The following LPA variants were observed in gnomAD, a reference collection of about 807,000 sequenced individuals.
The protein encoded by LPA is apolipoprotein(a).
A neutral mutation model predicts 197.9 loss-of-function variants in LPA; 199 were observed. The observed-to-expected ratio is 1.01, with a 90% CI of 0.90 to 1.13. The LOEUF is 1.13. Among genes scored for constraint, LPA ranks in the 50% most tolerant of loss-of-function variants. The pLI is 0.00. For synonymous variants in LPA, 715 were observed against 639.5 expected (o/e 1.12, Z -1.78); for missense variants, 1,853 against 1,785.8 (o/e 1.04, Z -0.68).
intron 8 of LPA, among the ~76,000 whole-genome samples, chr6:160,631,726 A>T (rs1779687764): frequency 6.7e-6 from 1 of 149,748 alleles, no homozygotes; most frequent in Non-Finnish European, 1.5e-5. Context: ...TGATCCCTTG[A>T]GTTTCACGAT....
Position 160,589,594 on chromosome 6 carries a change from T to C in LPA, c.3906A>G (p.Thr1302=), listed in dbSNP as rs11759364. 1 of 1,613,770 alleles carries C rather than the reference T, an allele frequency of 6.2e-7. No individual in the cohort carries two copies. The highest frequency in any genetic ancestry group is 1.3e-5 in the African/African-American group (1 of 74,882). ...CTGTGGTTCTCTGATGCCAGTGTGGTGTCATAGAGGACCAAGACTGACATG... is the reference window on the plus strand; with the variant it reads ...CTGTGGTTCTCTGATGCCAGTGTGGCGTCATAGAGGACCAAGACTGACATG... ...GRTCQSWSSM[T]PHWHQRTTEY... The change falls in exon 24 of 39, where the codon ACA becomes ACG. Residue 1302 remains threonine (T), a synonymous_variant. Transcript: ENST00000316300.
intron 1 of LPA, among the ~76,000 whole-genome samples, chr6:160,654,098 A>AATAT (rs1554243896): frequency 1.0e-4 from 4 of 38,456 alleles, no homozygotes; most frequent in African/African-American, 4.2e-4. Flanking sequence ...TATTATATAT[A>AATAT]ATATAATATA....
intron 1 of LPA, among the ~76,000 whole-genome samples, chr6:160,657,193 T>C (rs1422547090): frequency 6.6e-6 from 1 of 152,156 alleles, no homozygotes; most frequent in Non-Finnish European, 1.5e-5. Flanking sequence ...CAAATCTATT[T>C]CACAAAGCTT....
chr6:160,648,869 A>C (rs41269882), intron 2 of LPA, among the ~76,000 whole-genome samples: 7,293 of 152,168 alleles, frequency 0.048, 569 homozygotes, highest in African/African-American at 0.16. Flanking sequence ...TTTTTATGCC[A>C]TTCTAATCAT....
chr6:160,578,284 C>T (rs1031320901), intron 27 of LPA, among the ~76,000 whole-genome samples: 8 of 151,998 alleles, frequency 5.3e-5, no homozygotes, highest in African/African-American at 1.9e-4. Context: ...AGTGGTAAGT[C>T]CAGTGCCCTG....
intron 26 of LPA, among the ~76,000 whole-genome samples, chr6:160,584,469 T>A (rs1778868673): frequency 6.6e-6 from 1 of 151,554 alleles, no homozygotes; most frequent in African/African-American, 2.4e-5. Flanking sequence ...GTAGTTGGAA[T>A]TACAGGTACC....
chr6:160,583,616 C>T (rs1367860305), intron 26 of LPA, among the ~76,000 whole-genome samples: 1 of 152,150 alleles, frequency 6.6e-6, no homozygotes, highest in Non-Finnish European at 1.5e-5. Flanking sequence ...CTTTGTTCTC[C>T]TTTCTCTCTG....
At chr6:160,578,113 G>A (rs77460862) in intron 27 of LPA, among the ~76,000 whole-genome samples, 1 of 152,100 alleles carries the variant, frequency 6.6e-6, no homozygotes, top group South Asian at 2.1e-4. Flanking sequence ...ATACTCAAAG[G>A]CCATGTTCTT....
intron 2 of LPA, among the ~76,000 whole-genome samples, chr6:160,649,205 G>T (rs1240295707): frequency 3.3e-5 from 5 of 152,098 alleles, no homozygotes; most frequent in African/African-American, 9.7e-5. Flanking sequence ...GAATGCCCAA[G>T]ATGTTCAGTG....
Position 160,584,882 on chromosome 6 carries a change from C to G in LPA, c.4289+164G>C, listed in dbSNP as rs563970209. ...GAAAGATAGCAATCCTAAAACTTCTCTTCATTCAGACCTTTTGCTCAAAAG... is the reference window on the plus strand; with the variant it reads ...GAAAGATAGCAATCCTAAAACTTCTGTTCATTCAGACCTTTTGCTCAAAAG... On this transcript the variant is annotated intron_variant, in intron 26 of 38. Coordinates refer to ENST00000316300, the MANE Select transcript of LPA (RefSeq NM_005577.4). Among the ~76,000 whole-genome samples, 5 of 152,294 alleles carry G rather than the reference C, an allele frequency of 3.3e-5. No individual in the cohort carries two copies. In the South Asian group the frequency reaches 1.0e-3, roughly 32 times the overall value.
chr6:160,580,681 C>G (rs62441908), intron 26 of LPA, among the ~76,000 whole-genome samples: 3 of 151,938 alleles, frequency 2.0e-5, no homozygotes, highest in African/African-American at 7.3e-5. Flanking sequence ...TGCACTTTTT[C>G]AGGTGATTGT....
At chr6:160,576,357 T>C (rs1401263326) in intron 28 of LPA, among the ~76,000 whole-genome samples, 1 of 51,088 alleles carries the variant, frequency 2.0e-5, no homozygotes, top group African/African-American at 1.3e-4. Flanking sequence ...TATATATATA[T>C]ATATATATAC....
At chr6:160,610,741 C>T (rs950141056) in intron 16 of LPA, among the ~76,000 whole-genome samples, 1 of 152,150 alleles carries the variant, frequency 6.6e-6, no homozygotes, top group African/African-American at 2.4e-5. Context: ...TAGATGGCTA[C>T]AGGCTGCTTG....
At chr6:160,588,258 T>C (rs564835939) in intron 24 of LPA, among the ~76,000 whole-genome samples, 4 of 151,362 alleles carry the variant, frequency 2.6e-5, no homozygotes, top group African/African-American at 9.7e-5. Context: ...GGGGTTGAGT[T>C]TTTTTTTTCT....
At chr6:160,535,968 A>G (rs1777888598) in intron 37 of LPA, among the ~76,000 whole-genome samples, 1 of 152,144 alleles carries the variant, frequency 6.6e-6, no homozygotes. Context: ...ATCCTCTTGA[A>G]GGATCTATCT....
At chr6:160,537,722 C>T in intron 37 of LPA, 133 bp downstream of exon 37, 1 of 811,534 alleles carries the variant, frequency 1.2e-6, no homozygotes, top group Non-Finnish European at 2.1e-6. Flanking sequence ...AGACAGGTGT[C>T]CAGGCAAAGT....
chr6:160,635,140 T>C lies in LPA; in HGVS notation c.1058A>G (p.Glu353Gly). ...PPTVTPVPSL[E>G]APSEQAPTEQ... ...CTCCTTACCTTGTTCGGAAGGAGCC[T>C]CTAGGCTTGGAACCGGGGTAACAGT... The change falls in exon 7 of 39, where the codon GAG becomes GGG. Residue 353 changes from glutamate to glycine, a missense_variant. Coordinates refer to ENST00000316300, the MANE Select transcript of LPA (RefSeq NM_005577.4). The C allele has an allele frequency of 2.0e-6, 3 of 1,483,658 alleles. No individual in the cohort carries two copies. The highest frequency in any genetic ancestry group is 1.1e-5 in the South Asian group (1 of 88,348). 91.9% of individuals were successfully genotyped at this position (1,483,658 alleles called of 1,614,324 possible). A position where few individuals can be genotyped will look rare whatever the true frequency, so the allele number is the denominator to read the frequency against.
chr6:160,552,579 G>A (rs1035542397), intron 30 of LPA, among the ~76,000 whole-genome samples: 1 of 152,294 alleles, frequency 6.6e-6, no homozygotes, highest in East Asian at 1.9e-4. Context: ...CATTGAGCAC[G>A]TATATACTTT....
At chr6:160,565,066 T>G (rs913837062) in intron 28 of LPA, among the ~76,000 whole-genome samples, 1 of 152,230 alleles carries the variant, frequency 6.6e-6, no homozygotes, top group Non-Finnish European at 1.5e-5. Context: ...CAAGGAGACC[T>G]GCCTGCCTCT....
Sources: allele counts gnomAD v4.1 joint callset (sites outside exome capture counted in the v4.1 genomes callset), GRCh38; gene constraint gnomAD v4.1.1; transcripts MANE v1.5; gene names NCBI Gene and HGNC (gene_info 2026-07-23, HGNC 2026-07-21).